NEB: variants seen among roughly 807,000 people sequenced by gnomAD.
NEB encodes nebulin, also known as nemaline myopathy type 2.
NEB carries 512 observed loss-of-function variants against 952.2 expected under a neutral mutation model. The ratio of observed to expected loss-of-function variants is 0.54; its 90% CI spans 0.50 to 0.58. The LOEUF (loss-of-function observed/expected upper bound fraction) is 0.58, where lower values mean the gene tolerates loss of function less well. NEB is among the 20% of genes least tolerant of loss of function. The probability of loss-of-function intolerance (pLI) is 0.00; values close to 1 mark genes in which losing one functional copy is unlikely to be tolerated. For synonymous variants in NEB, 2,900 were observed against 3,149.8 expected, an observed-to-expected ratio of 0.92 and a Z score of 2.66; for missense variants, 8,428 against 9,231.1, an observed-to-expected ratio of 0.91 and a Z score of 3.56.
intron 10 of NEB, 84 bp downstream of exon 10, chr2:151,717,332 C>A (rs2099761750): frequency 1.1e-6 from 1 of 949,440 alleles, no homozygotes; most frequent in Non-Finnish European, 1.7e-6. Context: ...TATCTTCAGT[C>A]TCACCTTTAG....
chr2:151,719,185 AAAG>A (rs1312567148), intron 9 of NEB, among the ~76,000 whole-genome samples: 1 of 152,232 alleles, frequency 6.6e-6, no homozygotes, highest in Non-Finnish European at 1.5e-5. Context: ...CTGGGATGGC[AAAG>A]AAGATGTCCT....
chr2:151,685,342 TAATTGTAATGAAAACCATATGAC>T (rs1171451805), intron 27 of NEB, among the ~76,000 whole-genome samples: 2 of 152,204 alleles, frequency 1.3e-5, no homozygotes, highest in African/African-American at 4.8e-5. Context: ...AAGCATTTTT[TAATTGTAATGAAAACCATATGAC>T]AATTGGATTT....
rs71415158 is a variant in NEB at position 151,605,440 on chromosome 2, T to C, written c.12748-569A>G. On this transcript the variant is annotated intron_variant, in intron 84 of 181. Transcript: ENST00000397345. The stretch of plus-strand genomic sequence containing the variant: ...ATACGTGTGTGGTTTTGGAAACAGA[T>C]AAGAAAGATGCATGTTTCAAGGATG... Among the ~76,000 whole-genome samples the C allele has an allele frequency of 8.0e-4, 82 of 103,110 alleles. 10 individuals are homozygous for C. Among genetic ancestry groups the C allele is most frequent in the South Asian group, 3.2e-3 (11 of 3,436 alleles). The allele number at this position is 103,110 out of a possible 152,430, so 67.6% of individuals were successfully genotyped here.
intron 71 of NEB, among the ~76,000 whole-genome samples, chr2:151,622,041 ACT>A (rs776039718): frequency 1.3e-4 from 20 of 151,964 alleles, no homozygotes; most frequent in Non-Finnish European, 2.6e-4. Flanking sequence ...AGACAGTCTC[ACT>A]CTGTCGCCCA....
Position 151,609,850 on chromosome 2 carries a change from C to T in NEB, c.12289G>A (p.Asp4097Asn), listed in dbSNP as rs752089716. ...HEWTCMPDQN[D>N]IIQAKKAYDL... ...TAGGCCTTTTTTGCTTGGATAATGTCGTTTTGATCCGGCATGCATGTCCAT... is the reference window on the plus strand; with the variant it reads ...TAGGCCTTTTTTGCTTGGATAATGTTGTTTTGATCCGGCATGCATGTCCAT... The change falls in exon 81 of 182, where the codon GAC (aspartate) becomes AAC (asparagine). Residue 4097 changes from aspartate to asparagine, a missense_variant. Transcript: ENST00000397345. 4.4e-6 allele frequency: 7 copies of T among 1,605,202 alleles called. No individual in the cohort carries two copies. The highest frequency in any genetic ancestry group is 1.7e-5 in the Admixed American group (1 of 59,522).
In NEB at chr2:151,666,171, T is replaced by G; in HGVS notation, c.4950A>C (p.Arg1650Ser). ...SQEVATNANY[R>S]QSYHHYTLLP... is the part of the protein sequence containing the mutation. Reference sequence around the variant, plus strand: ...GGAGAGTGTAGTGGTGGTATGACTGTCTGTAGTTGGCGTTGGTGGCAACCT... The same window carrying G: ...GGAGAGTGTAGTGGTGGTATGACTGGCTGTAGTTGGCGTTGGTGGCAACCT... The change falls in exon 41 of 182, where the codon AGA (arginine) becomes AGC (serine). Residue 1650 changes from arginine to serine, a missense_variant. Coordinates refer to ENST00000397345, the MANE Select transcript of NEB (RefSeq NM_001164508.2). The G allele has an allele frequency of 6.2e-7, 1 of 1,613,934 alleles. No homozygotes were observed. Among genetic ancestry groups the G allele is most frequent in the Non-Finnish European group, 8.5e-7 (1 of 1,179,858 alleles).
chr2:151,677,969 A>G lies in NEB; in HGVS notation c.3474T>C (p.Asn1158=). 2 of 1,613,934 alleles carry G rather than the reference A, an allele frequency of 1.2e-6. No homozygotes were observed. The highest frequency in any genetic ancestry group is 8.5e-7 in the Non-Finnish European group (1 of 1,179,812). Reference sequence around the variant, plus strand: ...GATGGAGAGAATGCTTATAGTTGACATTGCTGACCACATCCTGGGCTTTCT... The same window carrying G: ...GATGGAGAGAATGCTTATAGTTGACGTTGCTGACCACATCCTGGGCTTTCT... ...AAKKAQDVVS[N]VNYKHSLHHY... The change falls in exon 33 of 182, where the codon AAT becomes AAC. Residue 1158 remains asparagine (N), a synonymous_variant. Transcript: ENST00000397345.
At chr2:151,644,429 T>C (rs749251567) in intron 56 of NEB, 39 bp downstream of exon 56, 1 of 1,531,380 alleles carries the variant, frequency 6.5e-7, no homozygotes, top group South Asian at 1.1e-5. Context: ...AAGTGATAAA[T>C]TGCAATCAAA....
Position 151,546,001 on chromosome 2 carries a change from T to TAAAAAAAA in NEB, c.20467-11_20467-4dup, listed in dbSNP as rs10687343. 5.3e-6 allele frequency: 5 copies of TAAAAAAAA among 949,036 alleles called. No individual in the cohort carries two copies. The highest frequency in any genetic ancestry group is 5.4e-5 in the East Asian group (2 of 36,852). The allele number at this position is 949,036 out of a possible 1,614,324, so 58.8% of individuals were successfully genotyped here. On this transcript the variant is annotated splice_polypyrimidine_tract_variant and splice_region_variant and intron_variant, in intron 134 of 181. Coordinates refer to ENST00000397345, the MANE Select transcript of NEB (RefSeq NM_001164508.2). ...TTATCAGTGTATAGGTAATTAGACTTAAAAAAAAAAAAAAAAACAGAAATA... is the reference window on the plus strand; with the variant it reads ...TTATCAGTGTATAGGTAATTAGACTTAAAAAAAAAAAAAAAAAAAAAAAAACAGAAATA...
At chr2:151,679,384 T>C (rs2099397771) in intron 32 of NEB, among the ~76,000 whole-genome samples, 1 of 152,000 alleles carries the variant, frequency 6.6e-6, no homozygotes. Context: ...ATTAATAAAG[T>C]TTTGAGATAA....
intron 32 of NEB, among the ~76,000 whole-genome samples, 155 bp from the exon 33 acceptor site, chr2:151,678,342 G>GCCTGCTTAAA (rs1207479221): frequency 6.6e-6 from 1 of 152,082 alleles, no homozygotes; most frequent in African/African-American, 2.4e-5. Context: ...CTGAAATGTA[G>GCCTGCTTAAA]CCTGCTTAAA....
chr2:151,645,988 G>A (rs1250081809), intron 55 of NEB, 142 bp downstream of exon 55: 2 of 639,868 alleles, frequency 3.1e-6, no homozygotes, highest in Non-Finnish European at 5.3e-6. Flanking sequence ...CAATCTAAAA[G>A]CCACTAAATA....
rs368383341 is a variant in NEB at position 151,609,892 on chromosome 2, G to A, written c.12247C>T (p.Arg4083Cys). The A allele has an allele frequency of 5.8e-5, 93 of 1,613,540 alleles. No individual in the cohort carries two copies. The highest frequency in any genetic ancestry group is 2.7e-4 in the Admixed American group (16 of 59,998). Residue 4083 changes from arginine to cysteine, a missense_variant, in exon 81 of 182, where the codon CGC becomes TGC. Physicochemically the swap from Arg to Cys is radical, Grantham distance 180. Transcript: ENST00000397345. ...CATGTCCATTCATGCAGGTAATTGC[G>A]ATAATCAATGTCAGTGACCAAAGTC... ...CQTLVTDIDY[R>C]NYLHEWTCMP...
chr2:151,653,675 G>A (rs151044518), intron 52 of NEB, among the ~76,000 whole-genome samples: 1 of 152,144 alleles, frequency 6.6e-6, no homozygotes, highest in Non-Finnish European at 1.5e-5. Context: ...TAGACAAGTA[G>A]AAAGCAGTAA....
Position 151,497,048 on chromosome 2 carries a change from A to G in NEB, c.24301-15T>C. Reference sequence around the variant, plus strand: ...TTGTATAACACCTGTGCGATAAGAAAGCAACCAGAAAAACAACCATGAGTA... The same window carrying G: ...TTGTATAACACCTGTGCGATAAGAAGGCAACCAGAAAAACAACCATGAGTA... On this transcript the variant is annotated splice_polypyrimidine_tract_variant and intron_variant, in intron 171 of 181. Coordinates refer to ENST00000397345, the MANE Select transcript of NEB (RefSeq NM_001164508.2). 6.4e-7 allele frequency: 1 copy of G among 1,558,188 alleles called. No individual in the cohort carries two copies. The highest frequency in any genetic ancestry group is 8.7e-7 in the Non-Finnish European group (1 of 1,149,292).
At chr2:151,561,375 G>T in intron 121 of NEB, 63 bp from the exon 122 acceptor site, 1 of 1,146,060 alleles carries the variant, frequency 8.7e-7, no homozygotes, top group Non-Finnish European at 1.3e-6. Flanking sequence ...AGCTGTAGCT[G>T]CTTGTGCCAA....
At chr2:151,614,727 T>A in intron 76 of NEB, 140 bp from the exon 77 acceptor site, 1 of 1,094,468 alleles carries the variant, frequency 9.1e-7, no homozygotes, top group Non-Finnish European at 1.3e-6. Context: ...ACCCTATTTT[T>A]AAAAGTCAAA....
chr2:151,660,121 G>A (rs770336865), intron 46 of NEB, among the ~76,000 whole-genome samples: 9 of 152,092 alleles, frequency 5.9e-5, no homozygotes, highest in Non-Finnish European at 1.2e-4. Context: ...ACAACTCATC[G>A]AAGTGGGGGT....
chr2:151,563,554 G>A (rs1430200311), intron 119 of NEB, 52 bp downstream of exon 119: 15 of 1,465,828 alleles, frequency 1.0e-5, no homozygotes, highest in South Asian at 2.3e-5. Context: ...AGGCAGACAC[G>A]GCAGCACACT....
Sources: allele counts gnomAD v4.1 joint callset (sites outside exome capture counted in the v4.1 genomes callset), GRCh38; gene constraint gnomAD v4.1.1; transcripts MANE v1.5; gene names NCBI Gene and HGNC (gene_info 2026-07-23, HGNC 2026-07-21).